The following KIF26B variants were observed in gnomAD, a reference collection of about 807,000 sequenced individuals.
The protein encoded by KIF26B is kinesin family member 26B.
A neutral mutation model predicts 151.2 loss-of-function variants in KIF26B; 63 were observed. The observed-to-expected ratio is 0.42, with a 90% CI of 0.34 to 0.51. The LOEUF is 0.51. KIF26B is among the 20% of genes least tolerant of loss of function. The pLI is 0.07. For missense variants in KIF26B, 2,813 were observed against 2,913.6 expected (o/e 0.97, Z 0.79); for synonymous variants, 1,357 against 1,262.1 (o/e 1.08, Z -1.59).
chr1:245,527,919 C>G (rs1661276420), intron 4 of KIF26B, among the ~76,000 whole-genome samples: 1 of 151,904 alleles, frequency 6.6e-6, no homozygotes, highest in Non-Finnish European at 1.5e-5. Context: ...GCCCAGTTTC[C>G]ATAATTGCAT....
intron 5 of KIF26B, among the ~76,000 whole-genome samples, chr1:245,574,152 A>C (rs1325312681): frequency 1.3e-5 from 2 of 151,996 alleles, no homozygotes; most frequent in Non-Finnish European, 2.9e-5. Context: ...GAGACCATTT[A>C]ATTTGTTTTT....
chr1:245,507,747 CA>C (rs1660753020), intron 4 of KIF26B, among the ~76,000 whole-genome samples: 1 of 152,238 alleles, frequency 6.6e-6, no homozygotes, highest in African/African-American at 2.4e-5. Context: ...CAGGCCACCC[CA>C]AACTTCTGGT....
rs1457632157 is a variant in KIF26B, at chr1:245,218,540, A to G, written c.465+61857A>G. 6.6e-6 allele frequency among the ~76,000 whole-genome samples: 1 copy of G among 152,114 alleles called. No individual in the cohort carries two copies. The highest frequency in any genetic ancestry group is 2.4e-5 in the African/African-American group (1 of 41,418). ...TCACTCAATCCGCCGGGAGATCTGAATATCAACTCTCTATGGAAGAACAAG... is the reference window on the plus strand; with the variant it reads ...TCACTCAATCCGCCGGGAGATCTGAGTATCAACTCTCTATGGAAGAACAAG... On this transcript the variant is annotated intron_variant, in intron 2 of 14. Transcript: ENST00000407071. The surrounding 1 kb of genome is among the most constrained non-coding windows in gnomAD (Gnocchi z 4.1).
intron 2 of KIF26B, among the ~76,000 whole-genome samples, chr1:245,159,451 GA>G (rs1443154042): frequency 6.6e-6 from 1 of 151,888 alleles, no homozygotes; most frequent in Non-Finnish European, 1.5e-5. Context: ...ATATCCTAAG[GA>G]AAAAAATGAA....
chr1:245,486,974 A>T lies in KIF26B; in HGVS notation c.1167-53793A>T, dbSNP rs1044340993. On this transcript the variant is annotated intron_variant, in intron 4 of 14. Coordinates refer to ENST00000407071, the MANE Select transcript of KIF26B (RefSeq NM_018012.4). ...GCAGAGCTTCCTTCCTGTCCATAGA[A>T]CTGTCCCAAAGTCGGACGTCCTGGG... 2.0e-4 allele frequency among the ~76,000 whole-genome samples: 30 copies of T among 152,162 alleles called. 1 individual carries two copies. The highest frequency in any genetic ancestry group is 6.8e-4 in the African/African-American group (28 of 41,442).
intron 12 of KIF26B, among the ~76,000 whole-genome samples, chr1:245,695,015 TC>T (rs1016520289): frequency 1.3e-5 from 2 of 152,072 alleles, no homozygotes; most frequent in African/African-American, 4.8e-5. Context: ...ACCACACGAC[TC>T]CCGCCAGGGT....
intron 2 of KIF26B, among the ~76,000 whole-genome samples, chr1:245,185,437 A>C (rs1327177770): frequency 6.6e-6 from 1 of 152,182 alleles, no homozygotes; most frequent in African/African-American, 2.4e-5. Context: ...AGCACAAGGA[A>C]GGGAGGGGGG....
intron 9 of KIF26B, among the ~76,000 whole-genome samples, chr1:245,637,310 T>G (rs1255310298): frequency 6.6e-6 from 1 of 152,140 alleles, no homozygotes; most frequent in African/African-American, 2.4e-5. Context: ...CTTGTGTGTC[T>G]TCTTCTGATA....
At chr1:245,510,956 G>C in intron 4 of KIF26B, 2 of 633,840 alleles carry the variant, frequency 3.2e-6, no homozygotes, top group Middle Eastern at 5.1e-4. Flanking sequence ...ATGGATTTTA[G>C]AATTTTCCAG....
At chr1:245,350,325 C>A (rs1190752449) in intron 2 of KIF26B, among the ~76,000 whole-genome samples, 1 of 152,174 alleles carries the variant, frequency 6.6e-6, no homozygotes, top group Non-Finnish European at 1.5e-5. Flanking sequence ...TTAGTTCAGG[C>A]ACCTCTGGAT....
Position 245,702,378 on chromosome 1 carries a change from G to A in KIF26B, c.6179-80G>A. On this transcript the variant is annotated intron_variant, in intron 14 of 14. Transcript: ENST00000407071. This position sits in a 1 kb window ranked among gnomAD's most constrained non-coding sequence, Gnocchi z 4.1. Reference sequence around the variant, plus strand: ...AGACCAAGGGGTAGATGTGGGGGTGGCAGCTCCAGGCTGAGCCGTCGGGAG... The same window carrying A: ...AGACCAAGGGGTAGATGTGGGGGTGACAGCTCCAGGCTGAGCCGTCGGGAG... The A allele has an allele frequency of 6.6e-7, 1 of 1,510,506 alleles. No homozygotes were observed. Among genetic ancestry groups the A allele is most frequent in the Non-Finnish European group, 9.1e-7 (1 of 1,098,058 alleles). The allele number at this position is 1,510,506 out of a possible 1,614,324, so 93.6% of individuals were successfully genotyped here.
At chr1:245,184,299 T>C (rs1432283187) in intron 2 of KIF26B, among the ~76,000 whole-genome samples, 2 of 151,930 alleles carry the variant, frequency 1.3e-5, no homozygotes, top group Non-Finnish European at 2.9e-5. Context: ...TTTAATACTT[T>C]GTAACATGAG....
chr1:245,203,084 T>C (rs1669333701), intron 2 of KIF26B, among the ~76,000 whole-genome samples: 1 of 149,328 alleles, frequency 6.7e-6, no homozygotes, highest in Non-Finnish European at 1.5e-5. Context: ...TAGTCTCTAC[T>C]AAAAATACAA....
chr1:245,530,223 A>G (rs1356188873), intron 4 of KIF26B, among the ~76,000 whole-genome samples: 1 of 152,182 alleles, frequency 6.6e-6, no homozygotes, highest in African/African-American at 2.4e-5. Context: ...ACCCTCATAC[A>G]CTGTGGATGG....
chr1:245,626,072 A>G (rs2103167838), intron 9 of KIF26B, among the ~76,000 whole-genome samples: 1 of 152,336 alleles, frequency 6.6e-6, no homozygotes, highest in East Asian at 1.9e-4. Flanking sequence ...TATAACTGCT[A>G]GTATTCCATT....
At chr1:245,630,503 G>T (rs563254942) in intron 9 of KIF26B, among the ~76,000 whole-genome samples, 2 of 152,256 alleles carry the variant, frequency 1.3e-5, no homozygotes, top group South Asian at 4.1e-4. Context: ...AACACCACAC[G>T]TTGTCACTCA....
intron 2 of KIF26B, among the ~76,000 whole-genome samples, chr1:245,326,494 C>T (rs61744029): frequency 0.043 from 6,564 of 152,224 alleles, 457 homozygotes; most frequent in African/African-American, 0.15. Context: ...CCAAGTTTAC[C>T]CCAGGACCGC....
chr1:245,178,805 C>T (rs756778583), intron 2 of KIF26B, among the ~76,000 whole-genome samples: 8 of 152,164 alleles, frequency 5.3e-5, no homozygotes, highest in Admixed American at 1.3e-4. Flanking sequence ...CCGCCTGTGA[C>T]GTGGGCTTGC....
At chr1:245,689,995 C>A (rs905473439) in intron 12 of KIF26B, among the ~76,000 whole-genome samples, 5 of 151,854 alleles carry the variant, frequency 3.3e-5, no homozygotes, top group African/African-American at 1.2e-4. Context: ...AGAAGAGGAC[C>A]CGGGTCAGAG....
Sources: allele counts gnomAD v4.1 joint callset (sites outside exome capture counted in the v4.1 genomes callset), GRCh38; gene constraint gnomAD v4.1.1; non-coding constraint Gnocchi (gnomAD v3.1); transcripts MANE v1.5; gene names NCBI Gene and HGNC (gene_info 2026-07-23, HGNC 2026-07-21).